The following CNTN5 variants were observed in gnomAD, a reference collection of about 807,000 sequenced individuals.
The protein encoded by CNTN5 is contactin 5, also known as contactin-5.
CNTN5 carries 77 observed loss-of-function variants against 129.1 expected under a neutral mutation model. That is an observed-to-expected ratio of 0.60 (90% confidence interval 0.50 to 0.72). The LOEUF is 0.72. Among genes scored for constraint, CNTN5 ranks in the 30% least tolerant of loss-of-function variants. CNTN5 has a pLI of 0.00. For missense variants in CNTN5, 1,478 were observed against 1,328.8 expected, an observed-to-expected ratio of 1.11 and a Z score of -1.75; for synonymous variants, 509 against 465.6, an observed-to-expected ratio of 1.09 and a Z score of -1.20.
intron 6 of CNTN5, among the ~76,000 whole-genome samples, chr11:99,851,764 T>A (rs995321734): frequency 1.3e-5 from 2 of 152,224 alleles, no homozygotes; most frequent in Non-Finnish European, 2.9e-5. Context: ...ATAACCTACT[T>A]AACTCTTTGA....
intron 6 of CNTN5, among the ~76,000 whole-genome samples, chr11:99,891,295 GTTTA>G (rs959342258): frequency 5.3e-5 from 8 of 151,880 alleles, no homozygotes; most frequent in African/African-American, 1.7e-4. Flanking sequence ...AAAATGAAAA[GTTTA>G]TTTTTTATTA....
chr11:99,644,476 C>A (rs1951877621), intron 3 of CNTN5, among the ~76,000 whole-genome samples: 1 of 152,078 alleles, frequency 6.6e-6, no homozygotes, highest in African/African-American at 2.4e-5. Context: ...ATAATTAATT[C>A]TTCCTATCTA....
intron 21 of CNTN5, among the ~76,000 whole-genome samples, chr11:100,332,788 G>A (rs117438742): frequency 0.011 from 1,732 of 152,106 alleles, 8 homozygotes; most frequent in Non-Finnish European, 0.018. Flanking sequence ...GCATACAAGG[G>A]ACATACTTTA....
intron 6 of CNTN5, among the ~76,000 whole-genome samples, chr11:99,899,657 G>A (rs1371409725): frequency 2.0e-5 from 3 of 151,976 alleles, no homozygotes; most frequent in Non-Finnish European, 4.4e-5. Context: ...TTGCATTGAT[G>A]TTAATCAGAA....
At chr11:99,657,116 GA>G in intron 3 of CNTN5, among the ~76,000 whole-genome samples, 1 of 150,882 alleles carries the variant, frequency 6.6e-6, no homozygotes, top group Admixed American at 6.6e-5. Flanking sequence ...ATAGCTTAAT[GA>G]AAAAATCGCA....
At chr11:99,857,096 G>A (rs1319746047) in intron 6 of CNTN5, among the ~76,000 whole-genome samples, 2 of 141,498 alleles carry the variant, frequency 1.4e-5, no homozygotes, top group Non-Finnish European at 3.0e-5. Flanking sequence ...CTCTGTCTCT[G>A]TCTTTCTGTC....
At chr11:99,890,051 T>C (rs761281230) in intron 6 of CNTN5, among the ~76,000 whole-genome samples, 4 of 152,202 alleles carry the variant, frequency 2.6e-5, no homozygotes, top group Non-Finnish European at 4.4e-5. Flanking sequence ...TGCTTATTTG[T>C]CATGGACCAA....
chr11:99,526,018 T>A (rs1304254550), intron 2 of CNTN5, among the ~76,000 whole-genome samples: 1 of 152,204 alleles, frequency 6.6e-6, no homozygotes, highest in Non-Finnish European at 1.5e-5. Context: ...TTTATATATG[T>A]AATAATTTTT....
At chr11:100,341,239 C>A (rs200948215) in intron 23 of CNTN5, 34 bp downstream of exon 23, 1 of 1,427,492 alleles carries the variant, frequency 7.0e-7, no homozygotes, top group Non-Finnish European at 9.9e-7. Context: ...CATAGATACT[C>A]ATCTCCGAAA....
At chr11:99,270,456 A>T (rs1215816331) in intron 1 of CNTN5, among the ~76,000 whole-genome samples, 2 of 151,650 alleles carry the variant, frequency 1.3e-5, no homozygotes, top group African/African-American at 2.4e-5. Context: ...TAACCCCAAA[A>T]CCTTCGGGAA....
rs1555049924 is a variant in CNTN5 at position 99,620,027 on chromosome 11, A to AAAAAAAAAAAAAAAAAACAAAAAG, written c.55+63768_55+63769insAAAAAAACAAAAAGAAAAAAAAAA. ...GGCGACAGAGCAAGACTCCGTCTCA[A>AAAAAAAAAAAAAAAAAACAAAAAG]AAAAAAAAAACAAAAAACAAAGCTT... On this transcript the variant is annotated intron_variant, in intron 3 of 24. Coordinates refer to ENST00000524871, the MANE Select transcript of CNTN5 (RefSeq NM_014361.4). 7.7e-5 allele frequency among the ~76,000 whole-genome samples: 10 copies of AAAAAAAAAAAAAAAAAACAAAAAG among 129,042 alleles called. 1 individual carries two copies. Among genetic ancestry groups the AAAAAAAAAAAAAAAAAACAAAAAG allele is most frequent in the Non-Finnish European group, 1.1e-4 (7 of 61,038 alleles). The allele number at this position is 129,042 out of a possible 152,430, so 84.7% of individuals were successfully genotyped here.
At chr11:99,266,178 T>C (rs1411885810) in intron 1 of CNTN5, among the ~76,000 whole-genome samples, 1 of 152,018 alleles carries the variant, frequency 6.6e-6, no homozygotes, top group African/African-American at 2.4e-5. Flanking sequence ...TTGACGATAT[T>C]TGAACAAAAT....
At chr11:99,801,837 C>T (rs1298475096) in intron 3 of CNTN5, among the ~76,000 whole-genome samples, 1 of 152,026 alleles carries the variant, frequency 6.6e-6, no homozygotes. Flanking sequence ...TTAGTAGTTT[C>T]TCTGTGTTGA....
chr11:100,349,531 G>A (rs1952358267), intron 23 of CNTN5, among the ~76,000 whole-genome samples: 1 of 151,736 alleles, frequency 6.6e-6, no homozygotes, highest in Non-Finnish European at 1.5e-5. Context: ...TCATACAGTA[G>A]AATAAATTGA....
At chr11:100,276,834 C>A (rs1330337059) in intron 18 of CNTN5, among the ~76,000 whole-genome samples, 1 of 151,738 alleles carries the variant, frequency 6.6e-6, no homozygotes, top group Non-Finnish European at 1.5e-5. Context: ...CACTTCTGGT[C>A]AGTTTAAAAT....
At chr11:99,082,574 G>T (rs770417471) in intron 1 of CNTN5, among the ~76,000 whole-genome samples, 1 of 152,142 alleles carries the variant, frequency 6.6e-6, no homozygotes, top group African/African-American at 2.4e-5. Context: ...TGGAATCTGA[G>T]AATGAATAAA....
chr11:99,267,281 C>G (rs1565449736), intron 1 of CNTN5, among the ~76,000 whole-genome samples: 1 of 151,950 alleles, frequency 6.6e-6, no homozygotes. Context: ...ATGAAATAAC[C>G]ACGTGAGTTT....
At chr11:99,559,422 T>A (rs1175034576) in intron 3 of CNTN5, among the ~76,000 whole-genome samples, 1 of 152,168 alleles carries the variant, frequency 6.6e-6, no homozygotes, top group Non-Finnish European at 1.5e-5. Context: ...CAGGTAGTCA[T>A]AAAAGCTTGG....
intron 1 of CNTN5, among the ~76,000 whole-genome samples, chr11:99,125,686 A>G (rs1446960927): frequency 6.6e-6 from 1 of 152,154 alleles, no homozygotes; most frequent in Non-Finnish European, 1.5e-5. Flanking sequence ...AATCCTATCA[A>G]TTTCAATTTT....
Sources: gnomAD v4.1 joint callset for allele counts (sites outside exome capture counted in the v4.1 genomes callset) on GRCh38, gnomAD v4.1.1 for gene constraint, MANE v1.5 for transcripts, NCBI Gene and HGNC (gene_info 2026-07-23, HGNC 2026-07-21) for gene names.